MAD1L1: variants seen among roughly 807,000 people sequenced by gnomAD.
MAD1L1 encodes mitotic spindle assembly checkpoint protein MAD1.
A neutral mutation model predicts 96.9 loss-of-function variants in MAD1L1; 95 were observed. That is an observed-to-expected ratio of 0.98 (90% CI 0.83 to 1.16). MAD1L1 has a LOEUF of 1.16. Ranked by LOEUF, MAD1L1 falls within the 50% of genes most tolerant of loss-of-function variation. The pLI is 0.00. For missense variants in MAD1L1, 1,007 were observed against 954.4 expected (o/e 1.06, Z -0.73); for synonymous variants, 473 against 396.6 (o/e 1.19, Z -2.29).
At chr7:1,946,119 A>G (rs1175261996) in intron 16 of MAD1L1, among the ~76,000 whole-genome samples, 1 of 152,198 alleles carries the variant, frequency 6.6e-6, no homozygotes, top group African/African-American at 2.4e-5. Flanking sequence ...CCAGGAGGCA[A>G]GATCACTTCC....
At chr7:1,936,427 C>T (rs192705705) in intron 17 of MAD1L1, among the ~76,000 whole-genome samples, 1 of 152,210 alleles carries the variant, frequency 6.6e-6, no homozygotes, top group African/African-American at 2.4e-5. Context: ...AGTTTAAGGG[C>T]CTGAAATTTC....
chr7:1,844,419 G>C (rs1783471474), intron 18 of MAD1L1, among the ~76,000 whole-genome samples: 1 of 152,086 alleles, frequency 6.6e-6, no homozygotes, highest in Non-Finnish European at 1.5e-5. Context: ...ACGCCGGTTG[G>C]GTGCTCCACT....
intron 14 of MAD1L1, among the ~76,000 whole-genome samples, chr7:1,995,011 G>A (rs960503901): frequency 1.3e-5 from 2 of 152,322 alleles, no homozygotes; most frequent in Middle Eastern, 3.4e-3. Flanking sequence ...CCCAGTCTGC[G>A]GTGTTCCTGT....
At chr7:1,895,268 T>C (rs1440375533) in intron 18 of MAD1L1, among the ~76,000 whole-genome samples, 2 of 152,164 alleles carry the variant, frequency 1.3e-5, no homozygotes, top group Non-Finnish European at 2.9e-5. Context: ...GCAACCATGA[T>C]GGATGTGCCA....
rs191255696 is a variant in MAD1L1 at position 2,222,638 on chromosome 7, C to A, written c.408G>T (p.Gln136His). ...GCCTCTTGCTGGCAGCATCCAAGTT[C>A]TGCTGACACTGCCTGTTGCGCTCCA... ...EQLERNRQCQ[Q>H]NLDAASKRLR... Residue 136 changes from glutamine (Q) to histidine (H), a missense_variant, in exon 5 of 19, where the codon CAG becomes CAT. Gln to His is a conservative substitution (Grantham distance 24). Coordinates refer to ENST00000265854, the MANE Select transcript of MAD1L1 (RefSeq NM_001013836.2). The A allele has an allele frequency of 2.5e-6, 4 of 1,613,410 alleles. No homozygotes were observed. The African/African-American group carries it at 5.3e-5, about 21-fold the overall frequency.
intron 17 of MAD1L1, among the ~76,000 whole-genome samples, chr7:1,903,845 G>C (rs918966376): frequency 1.4e-5 from 2 of 143,606 alleles, no homozygotes; most frequent in African/African-American, 5.4e-5. Flanking sequence ...AATTGATCAA[G>C]CACTGTTCCA....
intron 15 of MAD1L1, among the ~76,000 whole-genome samples, chr7:1,969,651 T>G (rs866167713): frequency 6.6e-6 from 1 of 152,138 alleles, no homozygotes; most frequent in Non-Finnish European, 1.5e-5. Flanking sequence ...TTCTAGTCAA[T>G]AAACAAAATC....
intron 11 of MAD1L1, among the ~76,000 whole-genome samples, chr7:2,136,811 C>T (rs1426071086): frequency 6.6e-6 from 1 of 152,256 alleles, no homozygotes; most frequent in African/African-American, 2.4e-5. Context: ...GCTCTCCACA[C>T]CTGCACACCA....
chr7:1,911,102 T>G (rs1465894071), intron 17 of MAD1L1, among the ~76,000 whole-genome samples: 1 of 152,090 alleles, frequency 6.6e-6, no homozygotes, highest in Non-Finnish European at 1.5e-5. Flanking sequence ...ACTCCCACAG[T>G]TCCCGCTCCT....
At chr7:1,954,967 G>A (rs1237688869) in intron 16 of MAD1L1, among the ~76,000 whole-genome samples, 1 of 152,158 alleles carries the variant, frequency 6.6e-6, no homozygotes, top group African/African-American at 2.4e-5. Context: ...ACCCAGAAAG[G>A]CCAGTGCCAC....
intron 11 of MAD1L1, among the ~76,000 whole-genome samples, chr7:2,093,695 T>C (rs1479041614): frequency 1.3e-5 from 2 of 151,720 alleles, no homozygotes; most frequent in Admixed American, 1.3e-4. Context: ...GAAGAGGAAG[T>C]GGCCCCCAAG....
chr7:1,979,167 T>C (rs915714598), intron 15 of MAD1L1, among the ~76,000 whole-genome samples: 2 of 152,150 alleles, frequency 1.3e-5, no homozygotes, highest in African/African-American at 4.8e-5. Context: ...CAGAGGCTGC[T>C]GCCGCGGGGG....
At chr7:2,226,729 C>T (rs573637147) in intron 3 of MAD1L1, among the ~76,000 whole-genome samples, 1 of 152,142 alleles carries the variant, frequency 6.6e-6, no homozygotes, top group African/African-American at 2.4e-5. Context: ...GTGGCTCACA[C>T]CTGTAATCCC....
chr7:2,128,829 C>G (rs1265902822), intron 11 of MAD1L1, among the ~76,000 whole-genome samples: 1 of 152,218 alleles, frequency 6.6e-6, no homozygotes, highest in African/African-American at 2.4e-5. Flanking sequence ...CACGCCTCCC[C>G]AGGAGCACAA....
intron 17 of MAD1L1, among the ~76,000 whole-genome samples, chr7:1,934,515 A>C (rs995195848): frequency 2.3e-5 from 3 of 129,744 alleles, no homozygotes; most frequent in Non-Finnish European, 3.3e-5. Flanking sequence ...GACAACAAGG[A>C]AAGGAACAGA....
chr7:1,878,399 G>A (rs747541144), intron 18 of MAD1L1, among the ~76,000 whole-genome samples: 13 of 151,932 alleles, frequency 8.6e-5, no homozygotes, highest in Non-Finnish European at 1.8e-4. Flanking sequence ...CAAGATCATA[G>A]ATGCAAAAAT....
chr7:2,172,497 C>T (rs1790753343), intron 10 of MAD1L1, among the ~76,000 whole-genome samples: 3 of 152,224 alleles, frequency 2.0e-5, no homozygotes, highest in Non-Finnish European at 4.4e-5. Flanking sequence ...GGACAAAGGG[C>T]TCCTCTGGGA....
chr7:2,167,460 A>G (rs1790490097), intron 10 of MAD1L1, among the ~76,000 whole-genome samples: 1 of 151,640 alleles, frequency 6.6e-6, no homozygotes, highest in South Asian at 2.1e-4. Flanking sequence ...GAGGCAGGAG[A>G]ATGGCGTGAA....
rs188137277 is a variant in MAD1L1, at chr7:2,022,528, G to A, written c.1219-7886C>T. On this transcript the variant is annotated intron_variant, in intron 12 of 18. Transcript: ENST00000265854. ...ATCACGCCACTGTACCCCAGCCTGG[G>A]CGACAAGAGCAAAACTCTGTCTCCA... Among the ~76,000 whole-genome samples, 15 of 151,044 alleles carry A rather than the reference G, an allele frequency of 9.9e-5. 1 individual carries two copies. The highest frequency in any genetic ancestry group is 3.4e-4 in the African/African-American group (14 of 40,766).
Sources: gnomAD v4.1 joint callset for allele counts (sites outside exome capture counted in the v4.1 genomes callset) on GRCh38, gnomAD v4.1.1 for gene constraint, MANE v1.5 for transcripts, NCBI Gene and HGNC (gene_info 2026-07-23, HGNC 2026-07-21) for gene names.